ANO10: variants seen among roughly 807,000 people sequenced by gnomAD.
ANO10 encodes the protein anoctamin 10.
In ANO10, 77 loss-of-function variants were observed where a neutral mutation model predicts 74.7. The ratio of observed to expected loss-of-function variants is 1.03; its 90% CI spans 0.86 to 1.25. The LOEUF is 1.25. ANO10 is among the 50% of genes most tolerant of loss of function. The pLI, the probability that ANO10 is intolerant of heterozygous loss-of-function variation, is 0.00. For missense variants in ANO10, 721 were observed against 778.1 expected, an observed-to-expected ratio of 0.93 and a Z score of 0.87; for synonymous variants, 279 against 284.9, an observed-to-expected ratio of 0.98 and a Z score of 0.21.
intron 5 of ANO10, among the ~76,000 whole-genome samples, chr3:43,578,687 T>C (rs532690789): frequency 7.2e-6 from 1 of 137,932 alleles, no homozygotes. Context: ...GAAGTGGAGA[T>C]TGCAGTGAAC....
At chr3:43,624,575 T>C (rs981718631), upstream of ANO10, among the ~76,000 whole-genome samples, 26 of 152,204 alleles carry the variant, frequency 1.7e-4, no homozygotes, top group Middle Eastern at 3.2e-3. Context: ...CTGTCTGCCA[T>C]GATTTTAAGT....
chr3:43,689,673 T>C (rs1313322204), intron 1 of ANO10, among the ~76,000 whole-genome samples: 1 of 152,164 alleles, frequency 6.6e-6, no homozygotes, highest in Non-Finnish European at 1.5e-5. Context: ...ATAATGTTTA[T>C]TTAAAAGCTG....
At chr3:43,397,453 A>T (rs936281093) in intron 12 of ANO10, among the ~76,000 whole-genome samples, 1 of 152,130 alleles carries the variant, frequency 6.6e-6, no homozygotes, top group Non-Finnish European at 1.5e-5. Flanking sequence ...GTTCTAGGAT[A>T]CAGTTAAGTT....
chr3:43,600,326 A>C, intron 3 of ANO10, 58 bp downstream of exon 3: 1 of 1,590,722 alleles, frequency 6.3e-7, no homozygotes, highest in Non-Finnish European at 8.6e-7. Flanking sequence ...TGATCTATTC[A>C]TCATAAACTT....
chr3:43,500,453 C>T (rs984214872), intron 11 of ANO10, among the ~76,000 whole-genome samples: 4 of 152,210 alleles, frequency 2.6e-5, no homozygotes, highest in African/African-American at 9.6e-5. Context: ...TGAGGAGTTG[C>T]TGTTGCCAAA....
chr3:43,415,267 G>A (rs139721432), intron 12 of ANO10, among the ~76,000 whole-genome samples: 6 of 151,688 alleles, frequency 4.0e-5, no homozygotes, highest in Non-Finnish European at 5.9e-5. Context: ...GTAAGCCACC[G>A]TGCCCGGCTG....
chr3:43,576,454 A>G (rs1382480570), intron 6 of ANO10, among the ~76,000 whole-genome samples: 1 of 152,208 alleles, frequency 6.6e-6, no homozygotes, highest in African/African-American at 2.4e-5. Context: ...TACTGTGAAT[A>G]AAGTGCTTAG....
At chr3:43,443,199 T>C (rs1159860244) in intron 11 of ANO10, among the ~76,000 whole-genome samples, 2 of 152,198 alleles carry the variant, frequency 1.3e-5, no homozygotes, top group African/African-American at 2.4e-5. Context: ...GGCCTAGGCC[T>C]CTGGGCTGCC....
rs143400246 is a variant in ANO10 at position 43,618,963 on chromosome 3, G to A, written c.-12+2946C>T. On this transcript the variant is annotated intron_variant, in intron 1 of 12. Coordinates refer to ENST00000292246, the MANE Select transcript of ANO10 (RefSeq NM_018075.5). ...ACTACAGGCATCCGCCACCATGCTC[G>A]GCTAATTTTTTTTTGTATTTTTAGT... 3.6e-3 allele frequency among the ~76,000 whole-genome samples: 547 copies of A among 152,210 alleles called. 4 individuals carry two copies. Among genetic ancestry groups the A allele is most frequent in the African/African-American group, 0.012 (518 of 41,532 alleles).
chr3:43,563,494 T>A (rs1367931654), intron 8 of ANO10, among the ~76,000 whole-genome samples: 1 of 147,874 alleles, frequency 6.8e-6, no homozygotes, highest in Non-Finnish European at 1.5e-5. Flanking sequence ...GCATTCTGAC[T>A]ACTGGGTATT....
rs914514023 is a variant in ANO10 at position 43,485,223 on chromosome 3, G to A, written c.1798-52496C>T. On this transcript the variant is annotated intron_variant, in intron 11 of 12. Transcript: ENST00000292246. ...CCGGTATTGCCGGTACATGTTGTAG[G>A]TGCAGCTCCGGGAGTCATAGTGAGA... is the stretch of plus-strand genomic sequence containing the variant. The A allele has an allele frequency of 1.2e-5, 8 of 668,698 alleles. No homozygotes were observed. In the African/African-American group the frequency reaches 1.4e-4, roughly 12 times the overall value. 41.4% of individuals were successfully genotyped at this position (668,698 alleles called of 1,614,324 possible). A position where few individuals can be genotyped will look rare whatever the true frequency, so the allele number is the denominator to read the frequency against.
At chr3:43,513,993 TTTTTA>T (rs1229262084) in intron 11 of ANO10, among the ~76,000 whole-genome samples, 17 of 150,678 alleles carry the variant, frequency 1.1e-4, no homozygotes, top group Non-Finnish European at 2.2e-4. Context: ...TTGCTTGCTA[TTTTTA>T]TTTTGTTTGC....
chr3:43,660,471 T>G (rs973932115), intron 1 of ANO10, among the ~76,000 whole-genome samples: 1 of 151,854 alleles, frequency 6.6e-6, no homozygotes, highest in African/African-American at 2.4e-5. Context: ...AATAGCCTAT[T>G]CGATCAAGCA....
chr3:43,441,707 AG>A (rs1442875832), intron 11 of ANO10, among the ~76,000 whole-genome samples: 2 of 152,202 alleles, frequency 1.3e-5, no homozygotes, highest in Non-Finnish European at 2.9e-5. Flanking sequence ...AATTTAAAAA[AG>A]AAAACTATAG....
chr3:43,643,820 A>T (rs966319894), intron 1 of ANO10, among the ~76,000 whole-genome samples: 3 of 151,106 alleles, frequency 2.0e-5, no homozygotes, highest in Admixed American at 2.0e-4. Flanking sequence ...AGTAGCTCGG[A>T]CTACAGGCAC....
chr3:43,381,546 A>T (rs1171610793), intron 12 of ANO10, among the ~76,000 whole-genome samples: 1 of 152,212 alleles, frequency 6.6e-6, no homozygotes, highest in African/African-American at 2.4e-5. Context: ...TGCACCTAAC[A>T]CTAGAGCTCC....
intron 12 of ANO10, among the ~76,000 whole-genome samples, chr3:43,406,532 G>GTAC (rs200537731): frequency 0.024 from 3,664 of 152,230 alleles, 151 homozygotes; most frequent in African/African-American, 0.083. Context: ...TGAGCACATG[G>GTAC]AGAACTGCCT....
At chr3:43,679,667 T>G (rs1227440134) in intron 1 of ANO10, among the ~76,000 whole-genome samples, 1 of 152,070 alleles carries the variant, frequency 6.6e-6, no homozygotes, top group Non-Finnish European at 1.5e-5. Flanking sequence ...GACCCTCGAG[T>G]AGCCTAACTG....
chr3:43,379,887 CAAG>C (rs2091911777), intron 12 of ANO10, among the ~76,000 whole-genome samples: 1 of 152,102 alleles, frequency 6.6e-6, no homozygotes, highest in South Asian at 2.1e-4. Flanking sequence ...TTAAGCCAAT[CAAG>C]GAGGCACCAG....
Sources: allele counts gnomAD v4.1 joint callset (sites outside exome capture counted in the v4.1 genomes callset), GRCh38; gene constraint gnomAD v4.1.1; transcripts MANE v1.5; gene names NCBI Gene and HGNC (gene_info 2026-07-23, HGNC 2026-07-21).